DCAF10: variants seen among roughly 807,000 people sequenced by gnomAD.
DCAF10 encodes the protein DDB1- and CUL4-associated factor 10.
In DCAF10, 19 loss-of-function variants were observed where a neutral mutation model predicts 51.9. That is an observed-to-expected ratio of 0.37 (90% CI 0.26 to 0.54). The LOEUF (loss-of-function observed/expected upper bound fraction) is 0.54, where lower values mean the gene tolerates loss of function less well. Ranked by LOEUF, DCAF10 falls within the 20% of genes least tolerant of loss-of-function variation. The probability of loss-of-function intolerance (pLI) is 0.87; values close to 1 mark genes in which losing one functional copy is unlikely to be tolerated. For synonymous variants in DCAF10, 291 were observed against 297.1 expected (o/e 0.98, Z 0.21); for missense variants, 510 against 730.6 (o/e 0.70, Z 3.48).
At chr9:37,840,372 G>A (rs974909854) in intron 2 of DCAF10, among the ~76,000 whole-genome samples, 2 of 152,198 alleles carry the variant, frequency 1.3e-5, no homozygotes, top group Admixed American at 1.3e-4. Flanking sequence ...TGCCCCTGGA[G>A]GCCTTCCAGT....
chr9:37,801,288 C>A lies in DCAF10; in HGVS notation c.422C>A (p.Ala141Glu), dbSNP rs376076163. ...SLGRGLFVDP[A>E]RDNFRTMTSL... is the part of the protein sequence containing the mutation. Reference sequence around the variant, plus strand: ...GGCCGCGGGCTGTTCGTGGACCCGGCGCGGGACAATTTTCGCACCATGACT... The same window carrying A: ...GGCCGCGGGCTGTTCGTGGACCCGGAGCGGGACAATTTTCGCACCATGACT... Residue 141 changes from alanine to glutamate, a missense_variant, in exon 1 of 7, where the codon GCG becomes GAG. This residue lies in a region of DCAF10 where 251 missense variants were observed against 227.9 expected (regional missense o/e 1.10). Coordinates refer to ENST00000377724, the MANE Select transcript of DCAF10 (RefSeq NM_024345.5). This position sits in a 1 kb window ranked among gnomAD's most constrained non-coding sequence, Gnocchi z 5.5. 8.1e-6 allele frequency: 13 copies of A among 1,596,156 alleles called. No homozygotes were observed. The highest frequency in any genetic ancestry group is 8.5e-6 in the Non-Finnish European group (10 of 1,174,036).
intron 2 of DCAF10, among the ~76,000 whole-genome samples, chr9:37,821,251 T>G (rs1412358810): frequency 6.6e-6 from 1 of 152,228 alleles, no homozygotes; most frequent in Non-Finnish European, 1.5e-5. Flanking sequence ...TTCTTTTTAA[T>G]AGCTGCATGG....
Position 37,864,593 on chromosome 9 carries a change from A to AT in DCAF10, c.*3085_*3086insT. On this transcript the variant is annotated 3_prime_UTR_variant, in exon 7 of 7. Coordinates refer to ENST00000377724, the MANE Select transcript of DCAF10 (RefSeq NM_024345.5). ...AGCGAGACTCTGCCTCAAAAAAAAA[A>AT]AAAAAAATAAAATAAAATAAAATTA... is the stretch of plus-strand genomic sequence containing the variant. The AT allele has an allele frequency of 6.7e-6, 1 of 148,274 alleles. No individual in the cohort carries two copies. Among genetic ancestry groups the AT allele is most frequent in the African/African-American group, 2.5e-5 (1 of 39,766 alleles). The allele number at this position is 148,274 out of a possible 1,614,324, so 9.2% of individuals were successfully genotyped here.
chr9:37,836,473 C>G (rs1242550829), intron 2 of DCAF10: 1 of 1,167,356 alleles, frequency 8.6e-7, no homozygotes, highest in Non-Finnish European at 1.3e-6. Context: ...GTGGAGAGTG[C>G]TTCCAGCTGA....
At chr9:37,853,847 G>A (rs2118148768) in intron 3 of DCAF10, among the ~76,000 whole-genome samples, 1 of 152,154 alleles carries the variant, frequency 6.6e-6, no homozygotes, top group South Asian at 2.1e-4. Flanking sequence ...GGGATTACAG[G>A]TGTGAGCCAC....
rs757278264 is a variant in DCAF10, at chr9:37,819,414, G to A, written c.653+13G>A. 4 of 1,592,850 alleles carry A rather than the reference G, an allele frequency of 2.5e-6. No homozygotes were observed. The highest frequency in any genetic ancestry group is 8.6e-7 in the Non-Finnish European group (1 of 1,165,320). On this transcript the variant is annotated intron_variant, in intron 2 of 6. Transcript: ENST00000377724. ...TAAATAATATCAGGTTAGTATTATA[G>A]TGAAAAAGTGAACTTTATCAGTGTG...
At chr9:37,814,025 A>T (rs1026379189) in intron 1 of DCAF10, among the ~76,000 whole-genome samples, 1 of 147,106 alleles carries the variant, frequency 6.8e-6, no homozygotes. Context: ...CAAAGAAGGT[A>T]AAAAGAAGGA....
chr9:37,846,608 C>T (rs964055391), intron 3 of DCAF10, among the ~76,000 whole-genome samples: 2 of 152,018 alleles, frequency 1.3e-5, no homozygotes, highest in African/African-American at 4.8e-5. Context: ...AGGCATCCAC[C>T]ACCACCCCTG....
chr9:37,806,245 C>A (rs892207566), intron 1 of DCAF10, among the ~76,000 whole-genome samples: 34 of 152,212 alleles, frequency 2.2e-4, no homozygotes, highest in Admixed American at 1.3e-3. Context: ...TGAACAGTTA[C>A]TGTCCCAAGC....
chr9:37,822,605 G>A (rs2841948), intron 2 of DCAF10, among the ~76,000 whole-genome samples: 1 of 151,790 alleles, frequency 6.6e-6, no homozygotes, highest in South Asian at 2.1e-4. Context: ...GGACATAAAG[G>A]CATAAGAATG....
intron 5 of DCAF10, chr9:37,858,528 C>CACAA (rs1830918026): frequency 6.6e-6 from 1 of 152,004 alleles, no homozygotes; most frequent in Non-Finnish European, 1.5e-5. Context: ...GTGGTAAACA[C>CACAA]ACAAACACAA....
chr9:37,834,150 G>T (rs1312550983), intron 2 of DCAF10, among the ~76,000 whole-genome samples: 2 of 152,108 alleles, frequency 1.3e-5, no homozygotes, highest in Non-Finnish European at 1.5e-5. Context: ...ATGTTGCCCA[G>T]GCTGGTCTCA....
chr9:37,800,804 C>A lies in DCAF10; in HGVS notation c.-63C>A. The A allele has an allele frequency of 6.6e-7, 1 of 1,508,872 alleles. No homozygotes were observed. Among genetic ancestry groups the A allele is most frequent in the Non-Finnish European group, 8.8e-7 (1 of 1,133,750 alleles). 93.5% of individuals were successfully genotyped at this position (1,508,872 alleles called of 1,614,324 possible). On this transcript the variant is annotated 5_prime_UTR_variant, in exon 1 of 7. Coordinates refer to ENST00000377724, the MANE Select transcript of DCAF10 (RefSeq NM_024345.5). ...CTGCACGCCGGAAGTGGCAGCTGAA[C>A]AGGGGCACTGAGGTGTCGGCCGGCG...
chr9:37,834,334 A>T (rs1450535602), intron 2 of DCAF10, among the ~76,000 whole-genome samples: 1 of 152,222 alleles, frequency 6.6e-6, no homozygotes, highest in Non-Finnish European at 1.5e-5. Flanking sequence ...AATTAAAGTC[A>T]AAGTATTGAA....
intron 2 of DCAF10, among the ~76,000 whole-genome samples, chr9:37,838,438 TA>T (rs77435703): frequency 6.6e-6 from 1 of 151,878 alleles, no homozygotes; most frequent in African/African-American, 2.4e-5. Flanking sequence ...AAACTTACAT[TA>T]AAAAAATCTC....
At chr9:37,821,448 A>T (rs1829698227) in intron 2 of DCAF10, among the ~76,000 whole-genome samples, 1 of 152,228 alleles carries the variant, frequency 6.6e-6, no homozygotes, top group African/African-American at 2.4e-5. Flanking sequence ...TTAGAAATTA[A>T]AAATGTCAAG....
chr9:37,857,896 AC>A (rs564767153), intron 5 of DCAF10, among the ~76,000 whole-genome samples: 1 of 150,780 alleles, frequency 6.6e-6, no homozygotes, highest in East Asian at 2.0e-4. Flanking sequence ...CTTCCACCAC[AC>A]CCCCCCAGTT....
chr9:37,845,586 T>C (rs1177678744), intron 3 of DCAF10, among the ~76,000 whole-genome samples: 1 of 152,228 alleles, frequency 6.6e-6, no homozygotes, highest in Non-Finnish European at 1.5e-5. Context: ...GCTGAAGTAC[T>C]GTTAAAAGAT....
chr9:37,820,215 G>C (rs1829663060), intron 2 of DCAF10, among the ~76,000 whole-genome samples: 1 of 152,052 alleles, frequency 6.6e-6, no homozygotes, highest in African/African-American at 2.4e-5. Flanking sequence ...AAAACACATA[G>C]AACAATAAAT....
Sources: gnomAD v4.1 joint callset for allele counts (sites outside exome capture counted in the v4.1 genomes callset) on GRCh38, gnomAD v4.1.1 for gene constraint, gnomAD v4.1.1 regional missense constraint, Gnocchi (gnomAD v3.1) non-coding constraint, MANE v1.5 for transcripts, NCBI Gene and HGNC (gene_info 2026-07-23, HGNC 2026-07-21) for gene names.